The following FAR2 variants were observed in gnomAD, a reference collection of about 807,000 sequenced individuals.
FAR2 encodes fatty acyl-CoA reductase 2, also known as epididymis secretory protein Li 81.
A neutral mutation model predicts 56.0 loss-of-function variants in FAR2; 19 were observed. The ratio of observed to expected loss-of-function variants is 0.34; its 90% confidence interval spans 0.24 to 0.50. The LOEUF (loss-of-function observed/expected upper bound fraction) is 0.50, where lower values mean the gene tolerates loss of function less well. Among genes scored for constraint, FAR2 ranks in the 20% least tolerant of loss-of-function variants. FAR2 has a pLI of 0.98. For missense variants in FAR2, 508 were observed against 642.2 expected (o/e 0.79, Z 2.26); for synonymous variants, 219 against 218.8 (o/e 1.00, Z -0.01).
At chr12:29,181,799 A>G (rs991590128) in intron 1 of FAR2, among the ~76,000 whole-genome samples, 3 of 152,254 alleles carry the variant, frequency 2.0e-5, no homozygotes, top group Admixed American at 6.5e-5. Flanking sequence ...GATTCTACCT[A>G]TTGGCATTTA....
chr12:29,257,800 G>A (rs1004459447), intron 1 of FAR2, among the ~76,000 whole-genome samples: 3 of 152,024 alleles, frequency 2.0e-5, no homozygotes, highest in Admixed American at 6.6e-5. Flanking sequence ...CTCCGGACAC[G>A]CCACCTTTAA....
intron 4 of FAR2, among the ~76,000 whole-genome samples, chr12:29,298,629 A>G (rs1949110303): frequency 6.6e-6 from 1 of 152,194 alleles, no homozygotes; most frequent in Admixed American, 6.5e-5. Flanking sequence ...AGAGTTCATC[A>G]GGATAGTGGG....
In FAR2 at chr12:29,333,966, A is replaced by C; in HGVS notation, c.*172A>C. The stretch of plus-strand genomic sequence containing the variant: ...GTATTTTTATTTCAGTGAGAGAAGG[A>C]AAGTTGTAAACTAGCCCATAGTCAC... On this transcript the variant is annotated 3_prime_UTR_variant, in exon 12 of 12. Transcript: ENST00000536681. 1 of 577,524 alleles carries C rather than the reference A, an allele frequency of 1.7e-6. No individual in the cohort carries two copies. The highest frequency in any genetic ancestry group is 2.8e-6 in the Non-Finnish European group (1 of 354,992). The allele number at this position is 577,524 out of a possible 1,614,324, so 35.8% of individuals were successfully genotyped here.
chr12:29,249,987 G>A (rs910888074), intron 1 of FAR2, among the ~76,000 whole-genome samples: 1 of 152,144 alleles, frequency 6.6e-6, no homozygotes, highest in African/African-American at 2.4e-5. Flanking sequence ...AGTAAAGAGT[G>A]ATCTTTAGAA....
intron 1 of FAR2, chr12:29,151,952 G>A (rs185767434): frequency 1.3e-5 from 2 of 152,300 alleles, no homozygotes; most frequent in African/African-American, 4.8e-5. Flanking sequence ...CCATTTTTCA[G>A]AAGTAGCTTG....
At chr12:29,332,877 G>A in intron 11 of FAR2, 150 bp downstream of exon 11, 1 of 774,828 alleles carries the variant, frequency 1.3e-6, no homozygotes, top group Non-Finnish European at 2.2e-6. Context: ...CTGTAACACA[G>A]TTTCATTTAG....
intron 10 of FAR2, among the ~76,000 whole-genome samples, chr12:29,322,608 A>G (rs1022847875): frequency 2.6e-5 from 4 of 152,122 alleles, no homozygotes; most frequent in African/African-American, 9.7e-5. Flanking sequence ...CATATTCTGA[A>G]ATTCTTTTGT....
At chr12:29,297,605 T>A (rs1949092661) in intron 4 of FAR2, among the ~76,000 whole-genome samples, 1 of 152,236 alleles carries the variant, frequency 6.6e-6, no homozygotes, top group African/African-American at 2.4e-5. Context: ...CCTGTGTGAC[T>A]GAGCAAATTC....
intron 1 of FAR2, among the ~76,000 whole-genome samples, chr12:29,201,670 CTT>C (rs1163853841): frequency 6.6e-6 from 1 of 152,154 alleles, no homozygotes; most frequent in Non-Finnish European, 1.5e-5. Flanking sequence ...TGACTGATGA[CTT>C]TGCTATACCT....
chr12:29,318,199 A>C (rs2016832), intron 9 of FAR2, among the ~76,000 whole-genome samples: 95,821 of 152,156 alleles, frequency 0.63, 31,440 homozygotes, highest in African/African-American at 0.82. Flanking sequence ...CAAATGACTA[A>C]AACTTAGCCA....
chr12:29,243,938 G>A (rs567184351), intron 1 of FAR2, among the ~76,000 whole-genome samples: 29 of 152,236 alleles, frequency 1.9e-4, no homozygotes, highest in East Asian at 9.7e-4. Flanking sequence ...GTGGTGTCTC[G>A]TTCATCATAG....
rs778426836 is a variant in FAR2 at position 29,307,732 on chromosome 12, C to G, written c.620C>G (p.Thr207Ser). The change falls in exon 5 of 12, where the codon ACC (threonine) becomes AGC (serine). Residue 207 changes from threonine (T) to serine (S), a missense_variant. Physicochemically the swap from Thr to Ser is moderately conservative, Grantham distance 58. Transcript: ENST00000536681. ...IRDWPNIYTY[T>S]KALGEMVVQQ... ...GATTGGCCCAATATTTATACCTACA[C>G]CAAGGCCTTGGGAGAAATGGTGGTG... The G allele has an allele frequency of 3.0e-5, 49 of 1,613,790 alleles. No individual in the cohort carries two copies. Among genetic ancestry groups the G allele is most frequent in the Non-Finnish European group, 4.0e-5 (47 of 1,179,912 alleles).
intron 3 of FAR2, among the ~76,000 whole-genome samples, 157 bp from the exon 4 acceptor site, chr12:29,296,862 TCA>T (rs1189911994): frequency 6.6e-6 from 1 of 152,230 alleles, no homozygotes; most frequent in Non-Finnish European, 1.5e-5. Context: ...ATTCCGAGTA[TCA>T]CATAACTGTG....
intron 4 of FAR2, among the ~76,000 whole-genome samples, chr12:29,300,216 A>G (rs1949140293): frequency 2.0e-5 from 3 of 152,226 alleles, no homozygotes; most frequent in South Asian, 2.1e-4. Context: ...AGTCTTATGT[A>G]TAAAATATCT....
chr12:29,196,985 G>A (rs891820439), intron 1 of FAR2, among the ~76,000 whole-genome samples: 1 of 152,090 alleles, frequency 6.6e-6, no homozygotes, highest in South Asian at 2.1e-4. Flanking sequence ...AAAGAACAAA[G>A]TAGATTCTTG....
At chr12:29,190,630 A>G (rs371811361) in intron 1 of FAR2, among the ~76,000 whole-genome samples, 29 of 151,916 alleles carry the variant, frequency 1.9e-4, no homozygotes, top group East Asian at 9.7e-4. Context: ...ACACCCGGCT[A>G]ATTTTTTGTA....
chr12:29,276,205 C>A (rs962240178), intron 2 of FAR2, among the ~76,000 whole-genome samples: 1 of 152,168 alleles, frequency 6.6e-6, no homozygotes, highest in African/African-American at 2.4e-5. Flanking sequence ...TGCCCTCAAG[C>A]CTTTCTGGAT....
intron 1 of FAR2, among the ~76,000 whole-genome samples, chr12:29,266,470 A>G (rs990777178): frequency 2.6e-5 from 4 of 152,164 alleles, no homozygotes; most frequent in Non-Finnish European, 5.9e-5. Context: ...GAACTCATGG[A>G]CAAAGAGAAT....
chr12:29,170,374 G>C (rs1009706956), intron 1 of FAR2, among the ~76,000 whole-genome samples: 2 of 152,192 alleles, frequency 1.3e-5, no homozygotes, highest in Admixed American at 6.5e-5. Flanking sequence ...ATTTTTGTTA[G>C]GAAGGCTATG....
Sources: gnomAD v4.1 joint callset for allele counts (sites outside exome capture counted in the v4.1 genomes callset) on GRCh38, gnomAD v4.1.1 for gene constraint, MANE v1.5 for transcripts, NCBI Gene and HGNC (gene_info 2026-07-23, HGNC 2026-07-21) for gene names.